The following FAM117B variants were observed in gnomAD, a reference collection of about 807,000 sequenced individuals.
The protein encoded by FAM117B is family with sequence similarity 117 member B.
Under a neutral mutation model 52.8 loss-of-function variants are expected in FAM117B, and 22 were observed. The ratio of observed to expected loss-of-function variants is 0.42; its 90% CI spans 0.30 to 0.59. The LOEUF is 0.59. Among genes scored for constraint, FAM117B ranks in the 20% least tolerant of loss-of-function variants. FAM117B has a pLI of 0.22. For synonymous variants in FAM117B, 309 were observed against 324.1 expected, an observed-to-expected ratio of 0.95 and a Z score of 0.50; for missense variants, 678 against 802.6, an observed-to-expected ratio of 0.84 and a Z score of 1.88.
Position 202,725,021 on chromosome 2 carries a change from G to T in FAM117B, c.846+12G>T. On this transcript the variant is annotated intron_variant, in intron 3 of 7. Transcript: ENST00000392238. Reference sequence around the variant, plus strand: ...ATCAACTTAAGGAGGTCAGAAAAATGGTTCTAAGATAGTGGGTGTGGAAAT... The same window carrying T: ...ATCAACTTAAGGAGGTCAGAAAAATTGTTCTAAGATAGTGGGTGTGGAAAT... 1 of 1,601,456 alleles carries T rather than the reference G, an allele frequency of 6.2e-7. No homozygotes were observed. Among genetic ancestry groups the T allele is most frequent in the South Asian group, 1.1e-5 (1 of 89,960 alleles).
intron 1 of FAM117B, among the ~76,000 whole-genome samples, chr2:202,639,063 A>T (rs1045497357): frequency 2.0e-5 from 3 of 152,170 alleles, no homozygotes; most frequent in Admixed American, 2.0e-4. Flanking sequence ...TTTTTCATTA[A>T]AGGGAGGCTA....
chr2:202,753,807 A>G (rs1691759221), intron 4 of FAM117B, among the ~76,000 whole-genome samples: 1 of 152,216 alleles, frequency 6.6e-6, no homozygotes. Flanking sequence ...AGAAATGCAA[A>G]TGAAAACCAC....
intron 2 of FAM117B, among the ~76,000 whole-genome samples, chr2:202,702,841 C>G (rs1036560618): frequency 3.9e-5 from 6 of 152,160 alleles, no homozygotes; most frequent in Admixed American, 6.5e-5. Context: ...GTGTGAGCCA[C>G]TGCGCCCAGC....
intron 5 of FAM117B, 24 bp from the exon 6 acceptor site, chr2:202,757,189 T>C (rs1269941112): frequency 1.2e-6 from 2 of 1,606,424 alleles, no homozygotes; most frequent in African/African-American, 2.7e-5. Context: ...TAAATATACC[T>C]ATGTTTTTAC....
At chr2:202,654,186 G>T (rs1433548953) in intron 1 of FAM117B, among the ~76,000 whole-genome samples, 2 of 150,866 alleles carry the variant, frequency 1.3e-5, no homozygotes, top group South Asian at 4.2e-4. Flanking sequence ...AATTTTATTG[G>T]CCAAATTTTT....
intron 2 of FAM117B, among the ~76,000 whole-genome samples, chr2:202,712,088 T>C (rs1335315227): frequency 2.6e-5 from 4 of 152,262 alleles, no homozygotes; most frequent in Non-Finnish European, 1.5e-5. Flanking sequence ...AAGAATGTTA[T>C]GGTATTTTGG....
chr2:202,759,330 G>A lies in FAM117B; in HGVS notation c.1428G>A (p.Arg476=), dbSNP rs779470972. The change falls in exon 7 of 8, where the codon AGG becomes AGA. Residue 476 remains arginine (R), a synonymous_variant. Coordinates refer to ENST00000392238, the MANE Select transcript of FAM117B (RefSeq NM_173511.4). ...GGGAACCTCCTGAGGGCTGTGAAAG[G>A]GTCAAAGTCTTTGAGGAATGCTCGT... The part of the protein sequence containing the change: ...FKREPPEGCE[R]VKVFEECSPK... 6.2e-7 allele frequency: 1 copy of A among 1,613,646 alleles called. No homozygotes were observed. Among genetic ancestry groups the A allele is most frequent in the Admixed American group, 1.7e-5 (1 of 59,930 alleles).
At chr2:202,704,078 C>CTAG (rs2105779787) in intron 2 of FAM117B, among the ~76,000 whole-genome samples, 1 of 152,290 alleles carries the variant, frequency 6.6e-6, no homozygotes, top group East Asian at 1.9e-4. Context: ...TTTTCATGTG[C>CTAG]TTACTGGCCA....
chr2:202,676,439 G>C (rs1287200374), intron 1 of FAM117B, among the ~76,000 whole-genome samples: 2 of 151,344 alleles, frequency 1.3e-5, no homozygotes, highest in African/African-American at 4.9e-5. Flanking sequence ...GATTGCAGTG[G>C]CGCTATCTCA....
At chr2:202,750,615 C>G (rs946399569) in intron 4 of FAM117B, among the ~76,000 whole-genome samples, 1 of 152,152 alleles carries the variant, frequency 6.6e-6, no homozygotes, top group South Asian at 2.1e-4. Flanking sequence ...TTTGGGGGGA[C>G]ACACACATCC....
intron 1 of FAM117B, among the ~76,000 whole-genome samples, chr2:202,644,077 T>G (rs1200586000): frequency 2.7e-5 from 4 of 146,872 alleles, no homozygotes; most frequent in South Asian, 2.2e-4. Flanking sequence ...TTTTTTTTTT[T>G]TTTTTTTCAG....
chr2:202,658,833 G>A (rs970177930), intron 1 of FAM117B, among the ~76,000 whole-genome samples: 9 of 151,792 alleles, frequency 5.9e-5, no homozygotes, highest in African/African-American at 1.9e-4. Context: ...TTATTTATGG[G>A]CATACATTTA....
chr2:202,695,860 G>A (rs908058858), intron 1 of FAM117B, 21 bp from the exon 2 acceptor site: 1 of 1,552,694 alleles, frequency 6.4e-7, no homozygotes, highest in Non-Finnish European at 8.7e-7. Context: ...ATTAAAACAA[G>A]CATTTTTGTC....
intron 2 of FAM117B, among the ~76,000 whole-genome samples, chr2:202,702,688 G>A (rs1238988678): frequency 6.6e-6 from 1 of 152,008 alleles, no homozygotes; most frequent in East Asian, 2.0e-4. Context: ...TGGGTAGCTG[G>A]GACTACAGGC....
chr2:202,645,947 A>G (rs973825020), intron 1 of FAM117B, among the ~76,000 whole-genome samples: 2 of 151,702 alleles, frequency 1.3e-5, no homozygotes, highest in African/African-American at 4.8e-5. Context: ...ATTGATTTTT[A>G]CATTTTGGCC....
At chr2:202,672,881 TAAAA>T (rs926202744) in intron 1 of FAM117B, among the ~76,000 whole-genome samples, 2 of 150,516 alleles carry the variant, frequency 1.3e-5, no homozygotes, top group African/African-American at 4.9e-5. Context: ...CTACAAAAAA[TAAAA>T]AAAAATTAGC....
intron 2 of FAM117B, among the ~76,000 whole-genome samples, chr2:202,705,894 G>A (rs1191229444): frequency 6.6e-6 from 1 of 152,168 alleles, no homozygotes; most frequent in Admixed American, 6.5e-5. Context: ...GACTCAGAAG[G>A]TATTTTCTTT....
At chr2:202,668,527 C>CAAAAAAAAAAAAAAAA in intron 1 of FAM117B, among the ~76,000 whole-genome samples, 1 of 71,686 alleles carries the variant, frequency 1.4e-5, no homozygotes. Flanking sequence ...GACTCTCTCT[C>CAAAAAAAAAAAAAAAA]AAAAAAAAAA....
chr2:202,635,811 C>T (rs1689675289), intron 1 of FAM117B, 23 bp downstream of exon 1: 1 of 1,414,388 alleles, frequency 7.1e-7, no homozygotes, highest in Non-Finnish European at 9.2e-7. Context: ...GGTCGCGCAG[C>T]AAGGGGGAGG....
Sources: allele counts gnomAD v4.1 joint callset (sites outside exome capture counted in the v4.1 genomes callset), GRCh38; gene constraint gnomAD v4.1.1; transcripts MANE v1.5; gene names NCBI Gene and HGNC (gene_info 2026-07-23, HGNC 2026-07-21).